LUC7L3: variants seen among roughly 807,000 people sequenced by gnomAD.
The protein encoded by LUC7L3 is luc7-like protein 3.
Under a neutral mutation model 66.8 loss-of-function variants are expected in LUC7L3, and 6 were observed. The observed-to-expected ratio is 0.09, with a 90% CI of 0.05 to 0.18. LUC7L3 has a LOEUF of 0.18. Ranked by LOEUF, LUC7L3 falls within the 10% of genes least tolerant of loss-of-function variation. LUC7L3 has a pLI of 1.00. For missense variants in LUC7L3, 341 were observed against 531.1 expected (o/e 0.64, Z 3.52); for synonymous variants, 160 against 174.7 (o/e 0.92, Z 0.66).
intron 6 of LUC7L3, among the ~76,000 whole-genome samples, chr17:50,744,108 A>G (rs1453945814): frequency 6.6e-6 from 1 of 152,180 alleles, no homozygotes; most frequent in Non-Finnish European, 1.5e-5. Flanking sequence ...TTTTATTTTC[A>G]TTTTTGTTGT....
chr17:50,733,623 A>C (rs796829618), intron 1 of LUC7L3, among the ~76,000 whole-genome samples: 5 of 151,674 alleles, frequency 3.3e-5, no homozygotes, highest in African/African-American at 9.7e-5. Context: ...GGATGATCTC[A>C]ATCTCCTGAC....
At chr17:50,727,029 C>T (rs1969237980) in intron 1 of LUC7L3, among the ~76,000 whole-genome samples, 1 of 152,080 alleles carries the variant, frequency 6.6e-6, no homozygotes, top group Admixed American at 6.6e-5. Context: ...GCGGAGGTTG[C>T]AGTGAGCCGA....
rs1968604099 is a variant in LUC7L3, at chr17:50,719,646, C to A, written c.-87C>A. ...TGTAGGAGGGATTTCGGCCTGAGAG[C>A]GGGCCGAGGAGATTGGCGACGGTGT... On this transcript the variant is annotated 5_prime_UTR_variant, in exon 1 of 10. Coordinates refer to ENST00000505658, the MANE Select transcript of LUC7L3 (RefSeq NM_016424.5). 2.6e-6 allele frequency: 3 copies of A among 1,133,152 alleles called. No individual in the cohort carries two copies. The highest frequency in any genetic ancestry group is 3.9e-6 in the Non-Finnish European group (3 of 773,000). The allele number at this position is 1,133,152 out of a possible 1,614,324, so 70.2% of individuals were successfully genotyped here.
chr17:50,746,275 G>A (rs557255213), intron 8 of LUC7L3, among the ~76,000 whole-genome samples: 3 of 152,156 alleles, frequency 2.0e-5, no homozygotes, highest in Non-Finnish European at 2.9e-5. Flanking sequence ...CACTGATTCC[G>A]AGAAATAAAA....
intron 9 of LUC7L3, among the ~76,000 whole-genome samples, chr17:50,748,003 T>A (rs570491622): frequency 6.6e-6 from 1 of 152,350 alleles, no homozygotes; most frequent in South Asian, 2.1e-4. Context: ...AGGTCAACTC[T>A]TAAGAGCCAG....
chr17:50,737,125 T>C (rs1404611738), intron 2 of LUC7L3, 99 bp downstream of exon 2: 1 of 825,838 alleles, frequency 1.2e-6, no homozygotes, highest in Non-Finnish European at 1.9e-6. Context: ...TTCTGTGAAG[T>C]TTTTTCTTAA....
chr17:50,719,606 T>G lies in LUC7L3; in HGVS notation c.-127T>G. 1 of 713,360 alleles carries G rather than the reference T, an allele frequency of 1.4e-6. No individual in the cohort carries two copies. The highest frequency in any genetic ancestry group is 2.3e-6 in the Non-Finnish European group (1 of 437,846). The allele number at this position is 713,360 out of a possible 1,614,324, so 44.2% of individuals were successfully genotyped here. On this transcript the variant is annotated 5_prime_UTR_variant, in exon 1 of 10. Transcript: ENST00000505658. ...GCGTCCGCGCGGCGGCCATTTTGTC[T>G]TGTCGGCTCCTGTGTGTAGGAGGGA...
At chr17:50,743,171 C>T (rs1289550186) in intron 5 of LUC7L3, among the ~76,000 whole-genome samples, 1 of 150,222 alleles carries the variant, frequency 6.7e-6, no homozygotes, top group Non-Finnish European at 1.5e-5. Flanking sequence ...TCAAAACCAG[C>T]CTGGGCAACA....
Position 50,750,993 on chromosome 17 carries a change from CTTT to C in LUC7L3, c.*342_*344del. The C allele has an allele frequency of 1.9e-6, 2 of 1,076,846 alleles. No individual in the cohort carries two copies. Among genetic ancestry groups the C allele is most frequent in the South Asian group, 2.0e-5 (1 of 49,336 alleles). The allele number at this position is 1,076,846 out of a possible 1,614,324, so 66.7% of individuals were successfully genotyped here. On this transcript the variant is annotated 3_prime_UTR_variant, in exon 10 of 10. Coordinates refer to ENST00000505658, the MANE Select transcript of LUC7L3 (RefSeq NM_016424.5). Reference sequence around the variant, plus strand: ...TTTTTTAGGGATTTTGATGTCATTTCTTTTTTTTTTTTAATAAAAAGGTTGAAC... The same window carrying C: ...TTTTTTAGGGATTTTGATGTCATTTCTTTTTTTTTAATAAAAAGGTTGAAC...
At chr17:50,740,053 C>T (rs1050852249) in intron 2 of LUC7L3, among the ~76,000 whole-genome samples, 1 of 152,100 alleles carries the variant, frequency 6.6e-6, no homozygotes, top group Admixed American at 6.5e-5. Flanking sequence ...TTCTCCCTCC[C>T]TCCTTTACTT....
intron 2 of LUC7L3, among the ~76,000 whole-genome samples, chr17:50,739,699 G>A (rs1234853550): frequency 6.6e-6 from 1 of 152,134 alleles, no homozygotes; most frequent in African/African-American, 2.4e-5. Flanking sequence ...CATCAGAAGT[G>A]TCTCATAATG....
Position 50,737,040 on chromosome 17 carries a change from C to A in LUC7L3, c.166+14C>A, listed in dbSNP as rs1250213901. The stretch of plus-strand genomic sequence containing the variant: ...GTTCTGATCTTGGTAAGTGAATTTT[C>A]TGTGTAACTTTTATCAAATTTATGA... On this transcript the variant is annotated intron_variant, in intron 2 of 9. Coordinates refer to ENST00000505658, the MANE Select transcript of LUC7L3 (RefSeq NM_016424.5). 3.2e-6 allele frequency: 5 copies of A among 1,583,552 alleles called. No individual in the cohort carries two copies. Among genetic ancestry groups the A allele is most frequent in the Admixed American group, 1.7e-5 (1 of 57,962 alleles).
chr17:50,727,523 C>T (rs927325952), intron 1 of LUC7L3, among the ~76,000 whole-genome samples: 1 of 152,066 alleles, frequency 6.6e-6, no homozygotes, highest in Non-Finnish European at 1.5e-5. Flanking sequence ...AGTGCCCCAG[C>T]CCCCCGAGTT....
intron 1 of LUC7L3, among the ~76,000 whole-genome samples, chr17:50,724,756 CT>C (rs58826303): frequency 5.8e-4 from 75 of 128,462 alleles, no homozygotes; most frequent in Admixed American, 9.1e-4. Context: ...AATATTTTCT[CT>C]TTTTTTTTTT....
At chr17:50,720,974 TTTTTTG>T (rs935110782) in intron 1 of LUC7L3, among the ~76,000 whole-genome samples, 5 of 152,110 alleles carry the variant, frequency 3.3e-5, no homozygotes, top group African/African-American at 1.2e-4. Context: ...AAGAGGTGGG[TTTTTTG>T]TTTTTAACAT....
chr17:50,736,407 A>G (rs1969987064), intron 1 of LUC7L3, among the ~76,000 whole-genome samples: 1 of 152,200 alleles, frequency 6.6e-6, no homozygotes, highest in African/African-American at 2.4e-5. Flanking sequence ...AACCTGGGCA[A>G]TGTAGCAAGT....
chr17:50,739,551 G>A (rs749797264), intron 2 of LUC7L3, among the ~76,000 whole-genome samples: 1 of 152,166 alleles, frequency 6.6e-6, no homozygotes, highest in Non-Finnish European at 1.5e-5. Context: ...CTCCTTGGAA[G>A]GTTGAGGCAG....
intron 1 of LUC7L3, among the ~76,000 whole-genome samples, chr17:50,730,077 A>C (rs1334443384): frequency 2.6e-5 from 4 of 151,374 alleles, no homozygotes; most frequent in African/African-American, 7.3e-5. Flanking sequence ...CTGCTTGAGC[A>C]GGCTCCTCCC....
chr17:50,740,936 C>CT (rs1491176994), intron 3 of LUC7L3, among the ~76,000 whole-genome samples, 166 bp from the exon 4 acceptor site: 1 of 152,194 alleles, frequency 6.6e-6, no homozygotes, highest in Non-Finnish European at 1.5e-5. Context: ...GGTTAAACCC[C>CT]TGTGTAAAGC....
Sources: allele counts gnomAD v4.1 joint callset (sites outside exome capture counted in the v4.1 genomes callset), GRCh38; gene constraint gnomAD v4.1.1; transcripts MANE v1.5; gene names NCBI Gene and HGNC (gene_info 2026-07-23, HGNC 2026-07-21).